Variants in PPP1R21 observed in about 807,000 individuals in gnomAD.
The protein encoded by PPP1R21 is protein phosphatase 1 regulatory subunit 21.
In PPP1R21, 85 loss-of-function variants were observed where a neutral mutation model predicts 112.8. That is an observed-to-expected ratio of 0.75 (90% CI 0.63 to 0.90). PPP1R21 has a LOEUF of 0.90. Among genes scored for constraint, PPP1R21 ranks in the 40% least tolerant of loss-of-function variants. PPP1R21 has a pLI of 0.00. For missense variants in PPP1R21, 1,199 were observed against 901.5 expected (o/e 1.33, Z -4.23); for synonymous variants, 381 against 322.3 (o/e 1.18, Z -1.95).
chr2:48,473,289 T>G (rs1668606059), intron 11 of PPP1R21, among the ~76,000 whole-genome samples: 1 of 152,176 alleles, frequency 6.6e-6, no homozygotes. Flanking sequence ...ATGTTATAGT[T>G]CTGTATAAAG....
chr2:48,493,422 T>A (rs1572882683), intron 15 of PPP1R21, among the ~76,000 whole-genome samples: 1 of 152,374 alleles, frequency 6.6e-6, no homozygotes, highest in East Asian at 1.9e-4. Context: ...TAATAGTTTT[T>A]CAAAATAGAA....
intron 15 of PPP1R21, among the ~76,000 whole-genome samples, chr2:48,493,719 C>T (rs1215643288): frequency 4.0e-5 from 6 of 151,752 alleles, no homozygotes; most frequent in Admixed American, 6.6e-5. Context: ...GTCCTTGTAC[C>T]GTTTATTTAG....
At chr2:48,492,204 C>T (rs990283637) in intron 15 of PPP1R21, among the ~76,000 whole-genome samples, 3 of 152,182 alleles carry the variant, frequency 2.0e-5, no homozygotes, top group South Asian at 4.1e-4. Context: ...ATTCCAGTTC[C>T]TCTCTAGAGG....
intron 13 of PPP1R21, among the ~76,000 whole-genome samples, chr2:48,485,933 G>T (rs1164794808): frequency 1.9e-5 from 1 of 53,194 alleles, no homozygotes; most frequent in African/African-American, 6.8e-5. Flanking sequence ...ATATACAATT[G>T]TATATACTAT....
At chr2:48,464,813 G>A in intron 7 of PPP1R21, 124 bp from the exon 8 acceptor site, 2 of 635,722 alleles carry the variant, frequency 3.1e-6, no homozygotes, top group Non-Finnish European at 5.4e-6. Context: ...ATTCTGTATT[G>A]TTGATCATTT....
intron 1 of PPP1R21, among the ~76,000 whole-genome samples, chr2:48,441,945 C>G (rs1667048789): frequency 6.6e-6 from 1 of 152,082 alleles, no homozygotes; most frequent in Admixed American, 6.6e-5. Context: ...AGATTTCATT[C>G]GACAAATAGC....
rs143208903 is a variant in PPP1R21, at chr2:48,440,982, A to G, written c.29A>G (p.Tyr10Cys). 9.3e-6 allele frequency: 15 copies of G among 1,611,762 alleles called. No individual in the cohort carries two copies. Among genetic ancestry groups the G allele is most frequent in the Non-Finnish European group, 1.1e-5 (13 of 1,178,634 alleles). MASAELQGK[Y>C]QKLAQEYSKL... ...GCCTCGGCTGAGTTGCAGGGGAAGTACCAGAAGCTGGCTCAGGAGTACTCG... is the reference window on the plus strand; with the variant it reads ...GCCTCGGCTGAGTTGCAGGGGAAGTGCCAGAAGCTGGCTCAGGAGTACTCG... Residue 10 changes from tyrosine to cysteine, a missense_variant, in exon 1 of 22, where the codon TAC becomes TGC. Coordinates refer to ENST00000294952, the MANE Select transcript of PPP1R21 (RefSeq NM_001135629.3).
At chr2:48,500,985 A>G (rs771791194) in intron 17 of PPP1R21, among the ~76,000 whole-genome samples, 6 of 152,154 alleles carry the variant, frequency 3.9e-5, no homozygotes, top group African/African-American at 9.7e-5. Context: ...ACCAATGGTC[A>G]TGGTGACCTT....
intron 21 of PPP1R21, 49 bp downstream of exon 21, chr2:48,511,517 T>G: frequency 6.3e-7 from 1 of 1,592,110 alleles, no homozygotes; most frequent in Non-Finnish European, 8.5e-7. Context: ...ATATTTAATG[T>G]GAGGTATTTT....
intron 9 of PPP1R21, among the ~76,000 whole-genome samples, chr2:48,469,797 T>G (rs1668423867): frequency 6.6e-6 from 1 of 152,098 alleles, no homozygotes; most frequent in East Asian, 1.9e-4. Flanking sequence ...TCCTATGTGA[T>G]TTTTGTAATA....
chr2:48,452,025 C>A (rs1156708174), intron 2 of PPP1R21, among the ~76,000 whole-genome samples: 1 of 152,192 alleles, frequency 6.6e-6, no homozygotes, highest in Non-Finnish European at 1.5e-5. Context: ...ACCCATACTT[C>A]CAGGCTCTCT....
At chr2:48,477,505 A>G (rs1338104017) in intron 12 of PPP1R21, among the ~76,000 whole-genome samples, 1 of 152,078 alleles carries the variant, frequency 6.6e-6, no homozygotes, top group Non-Finnish European at 1.5e-5. Context: ...TCCTTATTGA[A>G]TGGTCTGGGT....
At chr2:48,512,284 G>A (rs909180820) in intron 21 of PPP1R21, among the ~76,000 whole-genome samples, 5 of 152,130 alleles carry the variant, frequency 3.3e-5, no homozygotes, top group African/African-American at 9.7e-5. Context: ...TCCACATACC[G>A]TGTCTTTATT....
At chr2:48,503,344 A>G (rs1302053913) in intron 17 of PPP1R21, among the ~76,000 whole-genome samples, 2 of 152,244 alleles carry the variant, frequency 1.3e-5, no homozygotes, top group Non-Finnish European at 2.9e-5. Flanking sequence ...TCCTGTTATA[A>G]GAAACTCAGT....
chr2:48,514,892 T>G lies in PPP1R21; in HGVS notation c.*148T>G. The G allele has an allele frequency of 1.5e-6, 1 of 689,134 alleles. No individual in the cohort carries two copies. The allele number at this position is 689,134 out of a possible 1,614,324, so 42.7% of individuals were successfully genotyped here. ...AACTAGTCAGTGTTGGAAACGGCCT[T>G]GAAATATTTAAAACATATTTGTAAC... On this transcript the variant is annotated 3_prime_UTR_variant, in exon 22 of 22. Transcript: ENST00000294952.
intron 9 of PPP1R21, among the ~76,000 whole-genome samples, chr2:48,468,879 A>G (rs1668328019): frequency 6.7e-6 from 1 of 150,148 alleles, no homozygotes; most frequent in African/African-American, 2.5e-5. Context: ...GTATGTGTGT[A>G]TATATATGTA....
chr2:48,502,959 T>C (rs1441342445), intron 17 of PPP1R21, among the ~76,000 whole-genome samples: 5 of 152,008 alleles, frequency 3.3e-5, no homozygotes. Flanking sequence ...GGATTACAGG[T>C]GTGAGCTGCC....
chr2:48,471,381 G>T lies in PPP1R21; in HGVS notation c.1088+14G>T. The stretch of plus-strand genomic sequence containing the variant: ...TCAGTTAAAAAGGTAGTTACCCCCG[G>T]AGGCCAGGGAACTTGGGGAATTGTG... On this transcript the variant is annotated intron_variant, in intron 11 of 21. Coordinates refer to ENST00000294952, the MANE Select transcript of PPP1R21 (RefSeq NM_001135629.3). 6.3e-7 allele frequency: 1 copy of T among 1,591,200 alleles called. No homozygotes were observed. Among genetic ancestry groups the T allele is most frequent in the Non-Finnish European group, 8.5e-7 (1 of 1,172,338 alleles).
intron 2 of PPP1R21, among the ~76,000 whole-genome samples, chr2:48,451,418 A>T (rs536374535): frequency 2.6e-5 from 4 of 152,346 alleles, no homozygotes; most frequent in African/African-American, 9.6e-5. Context: ...AGGCTATGTC[A>T]TATTCCTATT....
Sources: gnomAD v4.1 joint callset for allele counts (sites outside exome capture counted in the v4.1 genomes callset) on GRCh38, gnomAD v4.1.1 for gene constraint, MANE v1.5 for transcripts, NCBI Gene and HGNC (gene_info 2026-07-23, HGNC 2026-07-21) for gene names.